Variants in MTUS2 observed in about 807,000 individuals in gnomAD.
MTUS2 encodes microtubule associated scaffold protein 2, also known as microtubule-associated tumor suppressor candidate 2.
In MTUS2, 40 loss-of-function variants were observed where a neutral mutation model predicts 114.1. The observed-to-expected ratio is 0.35, with a 90% CI of 0.27 to 0.46. The LOEUF is 0.46. Ranked by LOEUF, MTUS2 falls within the 20% of genes least tolerant of loss-of-function variation. The probability of loss-of-function intolerance (pLI) is 1.00; values close to 1 mark genes in which losing one functional copy is unlikely to be tolerated. For missense variants in MTUS2, 1,679 were observed against 1,705.4 expected (o/e 0.98, Z 0.27); for synonymous variants, 688 against 672.0 (o/e 1.02, Z -0.37).
Position 29,133,277 on chromosome 13 carries a change from T to C in MTUS2, c.2644+32307T>C, listed in dbSNP as rs562602823. ...CTGGATATTAATCCCTTATCAGATATGCAATTTGCAAATATTTTCTCTCAT... is the reference window on the plus strand; with the variant it reads ...CTGGATATTAATCCCTTATCAGATACGCAATTTGCAAATATTTTCTCTCAT... On this transcript the variant is annotated intron_variant, in intron 5 of 15. Transcript: ENST00000612955. Among the ~76,000 whole-genome samples the C allele has an allele frequency of 7.9e-5, 12 of 152,296 alleles. No individual in the cohort carries two copies. The South Asian group carries it at 2.1e-3, about 26-fold the overall frequency.
At chr13:28,870,846 A>G (rs542663819) in intron 2 of MTUS2, among the ~76,000 whole-genome samples, 1 of 152,278 alleles carries the variant, frequency 6.6e-6, no homozygotes, top group East Asian at 1.9e-4. Flanking sequence ...CCAGTTGTTC[A>G]GTTTTAGTTC....
intron 8 of MTUS2, among the ~76,000 whole-genome samples, chr13:29,383,244 G>GTATATATATATATA (rs1295576309): frequency 9.4e-5 from 5 of 53,450 alleles, no homozygotes; most frequent in Admixed American, 2.3e-4. Flanking sequence ...GTGTGTGTGT[G>GTATATATATATATA]TGTGTGTGTA....
intron 4 of MTUS2, among the ~76,000 whole-genome samples, chr13:29,091,799 T>C (rs931625403): frequency 6.6e-6 from 1 of 152,186 alleles, no homozygotes; most frequent in African/African-American, 2.4e-5. Flanking sequence ...CCAATTTAGT[T>C]CAGCATTATC....
At chr13:28,974,963 G>T (rs997220276) in intron 2 of MTUS2, among the ~76,000 whole-genome samples, 2 of 152,208 alleles carry the variant, frequency 1.3e-5, no homozygotes, top group Admixed American at 6.5e-5. Flanking sequence ...TATAATGAGG[G>T]TTGGTCCATC....
At chr13:29,130,906 G>A (rs924406672) in intron 5 of MTUS2, among the ~76,000 whole-genome samples, 8 of 152,222 alleles carry the variant, frequency 5.3e-5, no homozygotes, top group Non-Finnish European at 7.3e-5. Context: ...TTACAGGCGT[G>A]AACTACTGCA....
intron 3 of MTUS2, among the ~76,000 whole-genome samples, chr13:29,032,816 T>C (rs531391650): frequency 2.6e-5 from 4 of 152,338 alleles, no homozygotes; most frequent in African/African-American, 7.2e-5. Flanking sequence ...TCCTGAGATA[T>C]AAGTTTGACA....
intron 2 of MTUS2, among the ~76,000 whole-genome samples, chr13:28,891,596 C>G (rs1267963749): frequency 6.6e-6 from 1 of 151,986 alleles, no homozygotes; most frequent in Non-Finnish European, 1.5e-5. Flanking sequence ...AGAATAACAA[C>G]AGGCTGGGCA....
Position 29,026,668 on chromosome 13 carries a change from A to G in MTUS2, c.1970A>G (p.Gln657Arg). The change falls in exon 3 of 16, where the codon CAG (glutamine) becomes CGG (arginine). Residue 657 changes from glutamine to arginine, a missense_variant. Physicochemically the swap from Gln to Arg is conservative, Grantham distance 43. Around this residue, in one of 3 missense-constraint regions of MTUS2, gnomAD observed 822 missense variants for 899.7 expected, o/e 0.91. Coordinates refer to ENST00000612955, the MANE Select transcript of MTUS2 (RefSeq NM_001033602.4). ...AGGAGGAATCCCCAGGCCCTGGGCC[A>G]GGTGGACGCCTCGCTGGTTCCAGTG... Reference protein sequence around the residue: ...YIRRNPQALGQVDASLVPVGL... With the variant: ...YIRRNPQALGRVDASLVPVGL... 1 of 1,614,032 alleles carries G rather than the reference A, an allele frequency of 6.2e-7. No individual in the cohort carries two copies. The highest frequency in any genetic ancestry group is 1.3e-5 in the African/African-American group (1 of 75,068).
chr13:29,114,208 T>C (rs1890993465), intron 5 of MTUS2, among the ~76,000 whole-genome samples: 1 of 152,090 alleles, frequency 6.6e-6, no homozygotes, highest in Admixed American at 6.5e-5. Context: ...TATAGCAATA[T>C]GAGAACAGAC....
chr13:29,033,308 A>G (rs1886911757), intron 3 of MTUS2, among the ~76,000 whole-genome samples: 1 of 152,190 alleles, frequency 6.6e-6, no homozygotes, highest in Admixed American at 6.5e-5. Flanking sequence ...GTTTTTAACT[A>G]GGTAAACACA....
At chr13:29,116,640 T>C (rs1200995156) in intron 5 of MTUS2, among the ~76,000 whole-genome samples, 1 of 152,224 alleles carries the variant, frequency 6.6e-6, no homozygotes, top group African/African-American at 2.4e-5. Context: ...CCCGTCACTC[T>C]TCTTGCACTT....
chr13:28,826,638 C>CA (rs1213740549), intron 1 of MTUS2, among the ~76,000 whole-genome samples: 1 of 152,196 alleles, frequency 6.6e-6, no homozygotes, highest in Admixed American at 6.5e-5. Context: ...AAGTTTGACT[C>CA]ACCTTGCAGA....
chr13:29,225,591 A>G (rs1896076439), intron 5 of MTUS2, among the ~76,000 whole-genome samples: 1 of 152,258 alleles, frequency 6.6e-6, no homozygotes, highest in South Asian at 2.1e-4. Context: ...TATCTGAGCC[A>G]TAAGCATGGA....
intron 2 of MTUS2, among the ~76,000 whole-genome samples, chr13:29,006,546 A>C (rs1489276845): frequency 1.3e-5 from 2 of 152,176 alleles, no homozygotes. Context: ...CCACATAGCC[A>C]CAGGATGACA....
At chr13:29,455,107 G>C (rs1038150550) in intron 9 of MTUS2, among the ~76,000 whole-genome samples, 2 of 152,202 alleles carry the variant, frequency 1.3e-5, no homozygotes, top group African/African-American at 4.8e-5. Flanking sequence ...CTGCCATCTT[G>C]CTGGGCCGAA....
chr13:29,394,747 C>T (rs1180550900), intron 8 of MTUS2, among the ~76,000 whole-genome samples: 2 of 152,124 alleles, frequency 1.3e-5, no homozygotes, highest in Admixed American at 1.3e-4. Flanking sequence ...AGTGGGCGAG[C>T]GCAAGCTTTA....
chr13:29,040,209 A>G (rs1887283242), intron 4 of MTUS2, among the ~76,000 whole-genome samples: 1 of 152,204 alleles, frequency 6.6e-6, no homozygotes, highest in Non-Finnish European at 1.5e-5. Flanking sequence ...ATGCGTGAGA[A>G]CATATGATGT....
intron 5 of MTUS2, among the ~76,000 whole-genome samples, chr13:29,106,041 C>T (rs1370321785): frequency 2.0e-5 from 3 of 152,154 alleles, no homozygotes; most frequent in Non-Finnish European, 4.4e-5. Context: ...AAGATTTGTT[C>T]TCAGAATGTG....
chr13:29,265,229 C>T (rs1378588605), intron 5 of MTUS2, among the ~76,000 whole-genome samples: 1 of 152,228 alleles, frequency 6.6e-6, no homozygotes, highest in Non-Finnish European at 1.5e-5. Flanking sequence ...CAGCCAAGCT[C>T]TTTACAAAGT....
Sources: gnomAD v4.1 joint callset for allele counts (sites outside exome capture counted in the v4.1 genomes callset) on GRCh38, gnomAD v4.1.1 for gene constraint, gnomAD v4.1.1 regional missense constraint, MANE v1.5 for transcripts, NCBI Gene and HGNC (gene_info 2026-07-23, HGNC 2026-07-21) for gene names.